PZP: variants seen among roughly 807,000 people sequenced by gnomAD.
PZP encodes pregnancy zone protein.
A neutral mutation model predicts 179.8 loss-of-function variants in PZP; 150 were observed. That is an observed-to-expected ratio of 0.83 (90% confidence interval 0.73 to 0.96). The LOEUF (loss-of-function observed/expected upper bound fraction) is 0.96, where lower values mean the gene tolerates loss of function less well. Ranked by LOEUF, PZP falls within the 40% of genes least tolerant of loss-of-function variation. PZP has a pLI of 0.00. For synonymous variants in PZP, 624 were observed against 652.3 expected (o/e 0.96, Z 0.66); for missense variants, 1,689 against 1,764.0 (o/e 0.96, Z 0.76).
intron 1 of PZP, among the ~76,000 whole-genome samples, chr12:9,205,163 TTTAAA>T (rs953867726): frequency 2.0e-5 from 3 of 152,200 alleles, no homozygotes; most frequent in African/African-American, 7.2e-5. Flanking sequence ...TTCTTTTTTA[TTTAAA>T]TTGTTGAAAG....
chr12:9,157,258 A>G lies in PZP; in HGVS notation c.3467T>C (p.Leu1156Pro). Residue 1156 changes from leucine to proline, a missense_variant, in exon 28 of 36, where the codon CTG becomes CCG. This residue lies in a region of PZP where 746 missense variants were observed against 749.2 expected (regional missense o/e 1.00). Transcript: ENST00000261336. ...TCCCAGTAGGGAAAAAGCATAGGCC[A>G]GCAATGCCTTGGTGTAGACATGGCT... ...HGSHVYTKAL[L>P]AYAFSLLGKQ... 4 of 1,614,190 alleles carry G rather than the reference A, an allele frequency of 2.5e-6. No homozygotes were observed. Among genetic ancestry groups the G allele is most frequent in the Non-Finnish European group, 3.4e-6 (4 of 1,180,020 alleles).
chr12:9,153,453 A>G (rs1168898501), intron 29 of PZP, 110 bp from the exon 30 acceptor site: 2 of 754,990 alleles, frequency 2.6e-6, no homozygotes, highest in South Asian at 1.8e-5. Context: ...TTTTACCCCT[A>G]AGGTAGATCT....
rs59000486 is a variant in PZP, at chr12:9,187,077, C to CAAA, written c.1547-4963_1547-4961dup. On this transcript the variant is annotated intron_variant, in intron 13 of 35. Transcript: ENST00000261336. ...AAACAGACTTTAAACCAAGAAAGGTCAAAAAAAAAAAAAAAAGACAAGAGA... is the reference window on the plus strand; with the variant it reads ...AAACAGACTTTAAACCAAGAAAGGTCAAAAAAAAAAAAAAAAAAAGACAAGAGA... 6.0e-3 allele frequency among the ~76,000 whole-genome samples: 766 copies of CAAA among 128,672 alleles called. 9 individuals are homozygous for CAAA. Among genetic ancestry groups the CAAA allele is most frequent in the African/African-American group, 0.016 (528 of 33,358 alleles). The allele number at this position is 128,672 out of a possible 152,430, so 84.4% of individuals were successfully genotyped here.
intron 17 of PZP, chr12:9,167,483 G>C (rs745584913): frequency 4.6e-5 from 7 of 152,254 alleles, no homozygotes; most frequent in Non-Finnish European, 7.4e-5. Flanking sequence ...TCCCAGGCGA[G>C]GTCGCACAAT....
chr12:9,170,126 C>G lies in PZP; in HGVS notation c.1840-535G>C, dbSNP rs1941888048. On this transcript the variant is annotated intron_variant, in intron 15 of 35. Transcript: ENST00000261336. This position sits in a 1 kb window ranked among gnomAD's most constrained non-coding sequence, Gnocchi z 4.6. ...GGTTCTCACATTGAGACTGACTAGG[C>G]AAGCAACTTGAGCCACAGAGAACAA... 1 of 152,216 alleles carries G rather than the reference C, an allele frequency of 6.6e-6. No homozygotes were observed. The allele number at this position is 152,216 out of a possible 1,614,324, so 9.4% of individuals were successfully genotyped here.
intron 13 of PZP, among the ~76,000 whole-genome samples, chr12:9,191,793 G>GA (rs199558979): frequency 9.3e-5 from 14 of 151,268 alleles, no homozygotes; most frequent in South Asian, 2.1e-4. Flanking sequence ...CCTGGCACAA[G>GA]AAAAAAAAAT....
At chr12:9,143,292 C>T in the PZP span, among the ~76,000 whole-genome samples, 2 of 152,116 alleles carry the variant, frequency 1.3e-5, no homozygotes, top group African/African-American at 4.8e-5. Context: ...CGACCCTAGC[C>T]ACTTCCCAGA....
intron 15 of PZP, among the ~76,000 whole-genome samples, chr12:9,176,308 G>A (rs1389073827): frequency 6.6e-6 from 1 of 152,208 alleles, no homozygotes; most frequent in African/African-American, 2.4e-5. Context: ...AAGGTAGGGT[G>A]TGGGGAGGGA....
intron 1 of PZP, among the ~76,000 whole-genome samples, chr12:9,206,822 T>C (rs1733987662): frequency 6.6e-6 from 1 of 152,156 alleles, no homozygotes; most frequent in South Asian, 2.1e-4. Flanking sequence ...AATGGCAGCA[T>C]GGTCCAATGT....
intron 13 of PZP, among the ~76,000 whole-genome samples, chr12:9,185,790 A>ATTTTCTTTTCTTTTCTTTTCTTTTCT (rs1555173418): frequency 7.4e-6 from 1 of 134,266 alleles, no homozygotes; most frequent in African/African-American, 2.9e-5. Context: ...TATGTTCAAC[A>ATTTTCTTTTCTTTTCTTTTCTTTTCT]TTTCTTTTCT....
chr12:9,147,901 C>T (rs986091532), downstream of PZP, among the ~76,000 whole-genome samples: 2 of 152,076 alleles, frequency 1.3e-5, no homozygotes, highest in Non-Finnish European at 2.9e-5. Context: ...TGTTTTATGT[C>T]TCCATTAAGA....
intron 31 of PZP, 39 bp from the exon 32 acceptor site, chr12:9,152,349 G>T: frequency 6.7e-7 from 1 of 1,484,260 alleles, no homozygotes; most frequent in East Asian, 2.3e-5. Flanking sequence ...GGTTTTATAC[G>T]TGAAAGAAAG....
intron 12 of PZP, 61 bp downstream of exon 12, chr12:9,192,451 C>G: frequency 6.8e-7 from 1 of 1,473,956 alleles, no homozygotes; most frequent in Non-Finnish European, 9.5e-7. Flanking sequence ...CATTCCTGAG[C>G]CTATTGACCA....
intron 15 of PZP, among the ~76,000 whole-genome samples, chr12:9,176,738 C>T (rs1942390105): frequency 6.6e-6 from 1 of 152,210 alleles, no homozygotes; most frequent in Non-Finnish European, 1.5e-5. Flanking sequence ...GGACGAGTAA[C>T]TCCTGAGTGC....
chr12:9,208,230 T>C, intron 1 of PZP, 29 bp downstream of exon 1: 4 of 1,581,320 alleles, frequency 2.5e-6, no homozygotes, highest in Non-Finnish European at 2.6e-6. Flanking sequence ...AAACGCACTC[T>C]GGAGGAAGGG....
intron 18 of PZP, 128 bp from the exon 19 acceptor site, chr12:9,165,495 C>T: frequency 7.0e-6 from 7 of 1,006,786 alleles, no homozygotes; most frequent in East Asian, 2.6e-5. Flanking sequence ...AGTGTGCATT[C>T]GTGTGAACAC....
chr12:9,177,919 TA>T (rs1056756146), intron 15 of PZP, among the ~76,000 whole-genome samples: 2 of 152,192 alleles, frequency 1.3e-5, no homozygotes, highest in African/African-American at 4.8e-5. Context: ...ACAGAGAGTG[TA>T]AAAATATCAG....
At chr12:9,169,403 C>A in intron 16 of PZP, 27 bp downstream of exon 16, 3 of 1,537,230 alleles carry the variant, frequency 2.0e-6, no homozygotes, top group Non-Finnish European at 2.6e-6. Context: ...CACAAGCCAG[C>A]ATGTTAATAA....
At chr12:9,191,397 T>A (rs1943447698) in intron 13 of PZP, among the ~76,000 whole-genome samples, 1 of 152,118 alleles carries the variant, frequency 6.6e-6, no homozygotes. Flanking sequence ...TTTTAATGTT[T>A]AATTAAAATA....
Sources: gnomAD v4.1 joint callset for allele counts (sites outside exome capture counted in the v4.1 genomes callset) on GRCh38, gnomAD v4.1.1 for gene constraint, gnomAD v4.1.1 regional missense constraint, Gnocchi (gnomAD v3.1) non-coding constraint, MANE v1.5 for transcripts, NCBI Gene and HGNC (gene_info 2026-07-23, HGNC 2026-07-21) for gene names.